The following TRAM2 variants were observed in gnomAD, a reference collection of about 807,000 sequenced individuals.
The protein encoded by TRAM2 is translocating chain-associated membrane protein 2.
A neutral mutation model predicts 51.0 loss-of-function variants in TRAM2; 12 were observed. The ratio of observed to expected loss-of-function variants is 0.24; its 90% CI spans 0.15 to 0.38. The LOEUF (loss-of-function observed/expected upper bound fraction) is 0.38, where lower values mean the gene tolerates loss of function less well. TRAM2 is among the 10% of genes least tolerant of loss of function. The pLI is 1.00. For synonymous variants in TRAM2, 175 were observed against 179.4 expected (o/e 0.98, Z 0.20); for missense variants, 361 against 462.0 (o/e 0.78, Z 2.00).
Position 52,576,926 on chromosome 6 carries a change from G to A in TRAM2, c.-11C>T, listed in dbSNP as rs1562492865. 1.2e-6 allele frequency: 2 copies of A among 1,607,268 alleles called. No homozygotes were observed. Among genetic ancestry groups the A allele is most frequent in the South Asian group, 2.2e-5 (2 of 90,376 alleles). The stretch of plus-strand genomic sequence containing the variant: ...CCTGCGGAAAGCCATGGCAGCGGGC[G>A]CGCAGCGGCCGGCGGGGCCCGCACC... On this transcript the variant is annotated 5_prime_UTR_variant, in exon 1 of 11. Transcript: ENST00000182527.
chr6:52,555,094 C>G (rs1197714651), intron 1 of TRAM2, among the ~76,000 whole-genome samples: 1 of 152,194 alleles, frequency 6.6e-6, no homozygotes, highest in African/African-American at 2.4e-5. Context: ...TCACTTTCAC[C>G]TTCTGAGTCA....
intron 1 of TRAM2, among the ~76,000 whole-genome samples, chr6:52,566,223 G>A (rs969666948): frequency 1.3e-5 from 2 of 152,064 alleles, no homozygotes; most frequent in Non-Finnish European, 2.9e-5. Flanking sequence ...CTAGAGAAAA[G>A]CCCTTTCTCT....
intron 4 of TRAM2, among the ~76,000 whole-genome samples, chr6:52,514,899 C>G (rs1010393597): frequency 6.6e-6 from 1 of 152,172 alleles, no homozygotes; most frequent in Non-Finnish European, 1.5e-5. Flanking sequence ...TCAATCTGCC[C>G]CTGGGACTGT....
At chr6:52,553,154 C>G (rs1483387295) in intron 1 of TRAM2, among the ~76,000 whole-genome samples, 1 of 152,212 alleles carries the variant, frequency 6.6e-6, no homozygotes, top group Non-Finnish European at 1.5e-5. Flanking sequence ...TAATGTCTAA[C>G]TCTTTAATCT....
chr6:52,568,366 T>C (rs1290119548), intron 1 of TRAM2, among the ~76,000 whole-genome samples: 1 of 152,262 alleles, frequency 6.6e-6, no homozygotes, highest in Admixed American at 6.5e-5. Context: ...TCCTTGCCTG[T>C]TGAGGTCACA....
chr6:52,561,547 G>A (rs1424518933), intron 1 of TRAM2, among the ~76,000 whole-genome samples: 2 of 151,166 alleles, frequency 1.3e-5, no homozygotes, highest in East Asian at 2.0e-4. Context: ...GTGCAGTGGC[G>A]GAATCTGGGC....
At chr6:52,562,096 TA>T (rs1183528625) in intron 1 of TRAM2, among the ~76,000 whole-genome samples, 1 of 152,116 alleles carries the variant, frequency 6.6e-6, no homozygotes, top group Non-Finnish European at 1.5e-5. Context: ...AAAAAAACTT[TA>T]AAAAGGGATT....
At chr6:52,523,529 T>G (rs1009938301) in intron 2 of TRAM2, 1 of 152,342 alleles carries the variant, frequency 6.6e-6, no homozygotes, top group Middle Eastern at 3.4e-3. Context: ...ACCTATCAGA[T>G]TGGCAAAAAT....
At chr6:52,563,331 G>C (rs1767530512) in intron 1 of TRAM2, among the ~76,000 whole-genome samples, 1 of 152,182 alleles carries the variant, frequency 6.6e-6, no homozygotes, top group Admixed American at 6.5e-5. Context: ...GAAACAGACA[G>C]ATAGACAGAC....
chr6:52,540,197 T>A (rs1157382646), intron 1 of TRAM2, among the ~76,000 whole-genome samples: 1 of 151,612 alleles, frequency 6.6e-6, no homozygotes, highest in Non-Finnish European at 1.5e-5. Context: ...CACAGAGAGA[T>A]AAAGTAGCCT....
chr6:52,553,476 G>A (rs547246665), intron 1 of TRAM2, among the ~76,000 whole-genome samples: 8 of 152,270 alleles, frequency 5.3e-5, no homozygotes, highest in African/African-American at 1.9e-4. Flanking sequence ...TTTCTTGCCT[G>A]CACTCCAGCC....
intron 5 of TRAM2, 98 bp from the exon 6 acceptor site, chr6:52,508,416 G>A: frequency 8.5e-7 from 1 of 1,174,622 alleles, no homozygotes; most frequent in Non-Finnish European, 1.2e-6. Context: ...CTGAGACTCT[G>A]CCTGTGAGGA....
At chr6:52,506,735 G>A (rs984245284) in intron 7 of TRAM2, among the ~76,000 whole-genome samples, 1 of 152,146 alleles carries the variant, frequency 6.6e-6, no homozygotes, top group African/African-American at 2.4e-5. Context: ...AGCCCTCAAA[G>A]ACCCATCCGG....
At position 52,559,847 on chromosome 6, in the gene TRAM2, CAT is replaced by C. The variant is rs534577145; in HGVS notation, c.120+16947_120+16948del. On this transcript the variant is annotated intron_variant, in intron 1 of 10. Coordinates refer to ENST00000182527, the MANE Select transcript of TRAM2 (RefSeq NM_012288.4). ...CTACATTACTATCTAGTGGTTCAGA[CAT>C]AATTCTTATCTCAAGTTTTTTTTTC... Among the ~76,000 whole-genome samples, 223 of 152,290 alleles carry C rather than the reference CAT, an allele frequency of 1.5e-3. 1 individual carries two copies. Among genetic ancestry groups the C allele is most frequent in the African/African-American group, 5.1e-3 (210 of 41,556 alleles).
chr6:52,548,117 C>T (rs1562485705), intron 1 of TRAM2, among the ~76,000 whole-genome samples: 2 of 152,222 alleles, frequency 1.3e-5, no homozygotes, highest in Non-Finnish European at 2.9e-5. Flanking sequence ...AAAATCAATT[C>T]TTCAATCACA....
chr6:52,542,495 G>C (rs752365423), intron 1 of TRAM2, among the ~76,000 whole-genome samples: 1 of 152,162 alleles, frequency 6.6e-6, no homozygotes, highest in Non-Finnish European at 1.5e-5. Context: ...TGTGAGGGCT[G>C]AGCGCCTGAA....
In TRAM2 at chr6:52,548,192, C is replaced by T. The variant is rs955823668; in HGVS notation, c.121-12346G>A. Among the ~76,000 whole-genome samples, 17 of 152,206 alleles carry T rather than the reference C, an allele frequency of 1.1e-4. No individual in the cohort carries two copies. In the South Asian group the frequency reaches 1.2e-3, roughly 11 times the overall value. On this transcript the variant is annotated intron_variant, in intron 1 of 10. Transcript: ENST00000182527. ...TGGAGATGAAAGCAATTACGAGACC[C>T]GCTTCCTTCTCTCAAAGGCTCAGGA...
intron 2 of TRAM2, among the ~76,000 whole-genome samples, chr6:52,521,701 AAAAATAAAATAAAAT>A (rs770042475): frequency 6.6e-6 from 1 of 150,986 alleles, no homozygotes; most frequent in African/African-American, 2.4e-5. Context: ...TCCATCTCAA[AAAAATAAAATAAAAT>A]AAAATAAAAT....
In TRAM2 at chr6:52,505,581, G is replaced by A. The variant is rs1766332404; in HGVS notation, c.875+18C>T. 1.9e-6 allele frequency: 3 copies of A among 1,595,288 alleles called. No homozygotes were observed. The highest frequency in any genetic ancestry group is 2.7e-5 in the African/African-American group (2 of 74,614). ...GGAGGCTCCCTGGCTTATCACCTTG[G>A]ACTTCTGCTCGACTCACCTGCAAAA... On this transcript the variant is annotated intron_variant, in intron 9 of 10. Transcript: ENST00000182527.
Sources: allele counts gnomAD v4.1 joint callset (sites outside exome capture counted in the v4.1 genomes callset), GRCh38; gene constraint gnomAD v4.1.1; transcripts MANE v1.5; gene names NCBI Gene and HGNC (gene_info 2026-07-23, HGNC 2026-07-21).